The following UBR1 variants were observed in gnomAD, a reference collection of about 807,000 sequenced individuals.
The protein encoded by UBR1 is E3 ubiquitin-protein ligase UBR1.
In UBR1, 102 loss-of-function variants were observed where a neutral mutation model predicts 242.1. The ratio of observed to expected loss-of-function variants is 0.42; its 90% CI spans 0.36 to 0.50. The LOEUF is 0.50. UBR1 is among the 20% of genes least tolerant of loss of function. The probability of loss-of-function intolerance (pLI) is 0.01; values close to 1 mark genes in which losing one functional copy is unlikely to be tolerated. For synonymous variants in UBR1, 675 were observed against 684.8 expected (o/e 0.99, Z 0.22); for missense variants, 1,772 against 2,101.8 (o/e 0.84, Z 3.07).
At chr15:43,065,919 T>C (rs2033747187) in intron 6 of UBR1, among the ~76,000 whole-genome samples, 1 of 152,122 alleles carries the variant, frequency 6.6e-6, no homozygotes, top group South Asian at 2.1e-4. Flanking sequence ...ATTCTGTAGG[T>C]TGTTCACTCT....
chr15:42,945,925 G>A (rs1015656841), intron 46 of UBR1, among the ~76,000 whole-genome samples: 3 of 152,080 alleles, frequency 2.0e-5, no homozygotes, highest in African/African-American at 2.4e-5. Context: ...CTGTCCTTAC[G>A]ATACAAAAAA....
At chr15:43,038,019 G>T in intron 16 of UBR1, 136 bp from the exon 17 acceptor site, 1 of 1,197,276 alleles carries the variant, frequency 8.4e-7, no homozygotes, top group Non-Finnish European at 1.2e-6. Context: ...AAGTCCCTGT[G>T]ACTCAGATTA....
chr15:43,056,725 A>C (rs2033624117), intron 10 of UBR1, among the ~76,000 whole-genome samples: 1 of 152,166 alleles, frequency 6.6e-6, no homozygotes. Context: ...CAAACAAAAA[A>C]CAGAGGACTG....
At chr15:42,963,053 A>G (rs1270107388) in intron 42 of UBR1, among the ~76,000 whole-genome samples, 1 of 152,240 alleles carries the variant, frequency 6.6e-6, no homozygotes, top group Non-Finnish European at 1.5e-5. Context: ...TTTCTACTCC[A>G]AGAATATAAA....
intron 1 of UBR1, among the ~76,000 whole-genome samples, chr15:43,098,419 G>A (rs2034186635): frequency 6.6e-6 from 1 of 152,184 alleles, no homozygotes. Flanking sequence ...GCTTCCTTGA[G>A]ACAGGGTTGC....
At chr15:43,105,653 C>T (rs1315121620) in intron 1 of UBR1, among the ~76,000 whole-genome samples, 1 of 152,140 alleles carries the variant, frequency 6.6e-6, no homozygotes, top group Non-Finnish European at 1.5e-5. Flanking sequence ...CCGCCTCGGC[C>T]CCCACATCAA....
At chr15:42,954,279 G>C (rs2031882066) in intron 44 of UBR1, among the ~76,000 whole-genome samples, 1 of 152,156 alleles carries the variant, frequency 6.6e-6, no homozygotes, top group Admixed American at 6.6e-5. Context: ...ACTGAATTTA[G>C]AGATGGATGC....
At chr15:43,039,745 T>C (rs545651247) in intron 15 of UBR1, among the ~76,000 whole-genome samples, 65 of 152,216 alleles carry the variant, frequency 4.3e-4, no homozygotes, top group Non-Finnish European at 8.8e-4. Context: ...GAAGGCATCC[T>C]TGTCTTGTGC....
intron 35 of UBR1, among the ~76,000 whole-genome samples, chr15:42,988,329 C>G (rs2032506600): frequency 6.6e-6 from 1 of 151,958 alleles, no homozygotes; most frequent in Non-Finnish European, 1.5e-5. Flanking sequence ...GGGTCTCACT[C>G]TGTTGCCCAG....
intron 15 of UBR1, 57 bp downstream of exon 15, chr15:43,043,158 T>G: frequency 6.3e-7 from 1 of 1,582,024 alleles, no homozygotes; most frequent in Non-Finnish European, 8.7e-7. Context: ...TTCTACTAAA[T>G]GAATACCTAG....
At chr15:43,061,659 C>A (rs973033483) in intron 6 of UBR1, among the ~76,000 whole-genome samples, 1 of 152,112 alleles carries the variant, frequency 6.6e-6, no homozygotes, top group Non-Finnish European at 1.5e-5. Flanking sequence ...GTATTTGCAG[C>A]AACCTGGGTG....
intron 37 of UBR1, among the ~76,000 whole-genome samples, chr15:42,983,461 C>T (rs1393930528): frequency 6.6e-6 from 1 of 151,546 alleles, no homozygotes; most frequent in Non-Finnish European, 1.5e-5. Flanking sequence ...AATTCAAGAC[C>T]AGCCTGGCCA....
intron 31 of UBR1, chr15:43,003,470 GGTC>G (rs1440317797): frequency 6.2e-6 from 2 of 323,574 alleles, no homozygotes; most frequent in Non-Finnish European, 1.2e-5. Context: ...TGGCCAGGCT[GGTC>G]TCAAACTCCT....
rs1290564440 is a variant in UBR1, at chr15:43,075,085, T to C, written c.422A>G (p.His141Arg). 8 of 1,611,622 alleles carry C rather than the reference T, an allele frequency of 5.0e-6. No individual in the cohort carries two copies. The highest frequency in any genetic ancestry group is 6.8e-6 in the Non-Finnish European group (8 of 1,177,830). Residue 141 changes from histidine (H) to arginine (R), a missense_variant, in exon 4 of 47, where the codon CAT becomes CGT. Physicochemically the swap from His to Arg is conservative, Grantham distance 29. Transcript: ENST00000290650. ...SVHKNHRYKM[H>R]TSTGGGFCDC... ...ACAGAACCCTCCTCCAGTAGAAGTA[T>C]GCATCTGATAAAGGAAAAATGAGTT...
chr15:43,008,155 T>C (rs1265529165), intron 29 of UBR1, among the ~76,000 whole-genome samples: 1 of 152,260 alleles, frequency 6.6e-6, no homozygotes, highest in Non-Finnish European at 1.5e-5. Flanking sequence ...AAGATGTCGC[T>C]GCAGCAGTGG....
At chr15:43,045,247 G>T (rs1461307509) in intron 14 of UBR1, among the ~76,000 whole-genome samples, 1 of 152,096 alleles carries the variant, frequency 6.6e-6, no homozygotes, top group Non-Finnish European at 1.5e-5. Flanking sequence ...TCACTTGGAA[G>T]TGAGGAGTTT....
intron 21 of UBR1, among the ~76,000 whole-genome samples, chr15:43,029,228 T>C (rs1424738212): frequency 6.6e-6 from 1 of 152,128 alleles, no homozygotes. Flanking sequence ...TATTCAAATC[T>C]CAGAGGGAAA....
At chr15:43,002,755 A>C (rs1446125630) in intron 31 of UBR1, 51 bp from the exon 32 acceptor site, 1 of 1,602,324 alleles carries the variant, frequency 6.2e-7, no homozygotes, top group South Asian at 1.1e-5. Context: ...ATGCATCTCT[A>C]CATGTGTATC....
intron 9 of UBR1, 126 bp downstream of exon 9, chr15:43,058,959 G>A: frequency 1.2e-6 from 1 of 802,690 alleles, no homozygotes; most frequent in Non-Finnish European, 2.1e-6. Context: ...TTCACATGTA[G>A]TATCTTATCA....
Sources: gnomAD v4.1 joint callset for allele counts (sites outside exome capture counted in the v4.1 genomes callset) on GRCh38, gnomAD v4.1.1 for gene constraint, MANE v1.5 for transcripts, NCBI Gene and HGNC (gene_info 2026-07-23, HGNC 2026-07-21) for gene names.